SNX29: variants seen among roughly 807,000 people sequenced by gnomAD.
SNX29 encodes the protein sorting nexin 29.
Under a neutral mutation model 102.1 loss-of-function variants are expected in SNX29, and 78 were observed. That is an observed-to-expected ratio of 0.76 (90% CI 0.64 to 0.92). The LOEUF is 0.92. Ranked by LOEUF, SNX29 falls within the 40% of genes least tolerant of loss-of-function variation. SNX29 has a pLI of 0.00. For synonymous variants in SNX29, 580 were observed against 414.5 expected (o/e 1.40, Z -4.85); for missense variants, 1,280 against 1,061.7 (o/e 1.21, Z -2.86).
chr16:12,011,085 C>T (rs1044832600), intron 3 of SNX29, among the ~76,000 whole-genome samples: 3 of 152,032 alleles, frequency 2.0e-5, no homozygotes, highest in African/African-American at 7.2e-5. Flanking sequence ...GGACTCTCCC[C>T]CTCCCTTACC....
intron 14 of SNX29, among the ~76,000 whole-genome samples, chr16:12,272,080 T>G (rs927094292): frequency 2.0e-5 from 3 of 152,224 alleles, no homozygotes; most frequent in African/African-American, 4.8e-5. Context: ...GAAGGTTGAC[T>G]GGCTAGTTGC....
intron 18 of SNX29, among the ~76,000 whole-genome samples, chr16:12,427,387 G>C (rs1203885734): frequency 2.6e-5 from 4 of 152,088 alleles, no homozygotes; most frequent in Non-Finnish European, 5.9e-5. Context: ...TGCCACCTCT[G>C]ATAGGAACCA....
intron 19 of SNX29, among the ~76,000 whole-genome samples, chr16:12,502,453 T>C (rs1439020547): frequency 6.6e-6 from 1 of 152,098 alleles, no homozygotes; most frequent in Non-Finnish European, 1.5e-5. Flanking sequence ...GTTGCTAGGC[T>C]GAGGTAACAT....
intron 14 of SNX29, among the ~76,000 whole-genome samples, chr16:12,244,751 C>T (rs911890590): frequency 6.6e-6 from 1 of 152,192 alleles, no homozygotes; most frequent in African/African-American, 2.4e-5. Context: ...AGAAACACTT[C>T]AGCATCTTTA....
chr16:12,465,965 C>T (rs1366650341), intron 18 of SNX29, among the ~76,000 whole-genome samples: 1 of 151,964 alleles, frequency 6.6e-6, no homozygotes, highest in African/African-American at 2.4e-5. Context: ...ATGATAACCC[C>T]CCAATGAATG....
chr16:12,523,832 C>T (rs995548275), intron 19 of SNX29, among the ~76,000 whole-genome samples: 13 of 152,206 alleles, frequency 8.5e-5, no homozygotes, highest in African/African-American at 9.7e-5. Context: ...CCACGCTGCA[C>T]AGCCCAGCCT....
In SNX29 at chr16:12,126,655, G is replaced by A; in HGVS notation, c.1425G>A (p.Val475=). Residue 475 remains valine, a synonymous_variant, in exon 12 of 21, where the codon GTG becomes GTA. Coordinates refer to ENST00000566228, the MANE Select transcript of SNX29 (RefSeq NM_032167.5). Reference sequence around the variant, plus strand: ...TAGGTGAACTGCGCCAGGCCACTGTGGCCATGATGAACAGGAAGGATGAGC... The same window carrying A: ...TAGGTGAACTGCGCCAGGCCACTGTAGCCATGATGAACAGGAAGGATGAGC... ...MTISELRQAT[V]AMMNRKDELE... The A allele has an allele frequency of 6.2e-7, 1 of 1,614,012 alleles. No homozygotes were observed. The highest frequency in any genetic ancestry group is 8.5e-7 in the Non-Finnish European group (1 of 1,179,884).
At chr16:12,228,689 T>C (rs1282749974) in intron 14 of SNX29, among the ~76,000 whole-genome samples, 2 of 152,214 alleles carry the variant, frequency 1.3e-5, no homozygotes, top group Non-Finnish European at 2.9e-5. Context: ...ACCTATGCTG[T>C]TCTCTGCCTG....
intron 20 of SNX29, chr16:12,556,415 A>G (rs1034081361): frequency 6.6e-6 from 1 of 152,270 alleles, no homozygotes; most frequent in African/African-American, 2.4e-5. Flanking sequence ...ATGACACTTC[A>G]GATGGCTACA....
At position 12,572,846 on chromosome 16, in the gene SNX29, A is replaced by C. The variant is rs1020778032; in HGVS notation, c.*4217A>C. ...TCCCAGAAGGGGCAGCCTCATGCCC[A>C]GGTTTCAGCCCTAAAGGTAATGATT... On this transcript the variant is annotated 3_prime_UTR_variant, in exon 21 of 21. Coordinates refer to ENST00000566228, the MANE Select transcript of SNX29 (RefSeq NM_032167.5). 9.4e-7 allele frequency: 1 copy of C among 1,063,672 alleles called. No individual in the cohort carries two copies. Among genetic ancestry groups the C allele is most frequent in the African/African-American group, 1.6e-5 (1 of 60,986 alleles). The allele number at this position is 1,063,672 out of a possible 1,614,324, so 65.9% of individuals were successfully genotyped here.
intron 18 of SNX29, chr16:12,443,060 G>A (rs878926770): frequency 2.9e-5 from 13 of 455,608 alleles, no homozygotes; most frequent in Admixed American, 4.7e-5. Context: ...CAGGCCAGGC[G>A]TCCAGCCTGG....
intron 20 of SNX29, chr16:12,527,107 C>G: frequency 1.1e-5 from 5 of 461,018 alleles, no homozygotes; most frequent in South Asian, 3.8e-5. Flanking sequence ...TTAATAAAAG[C>G]TCTTTGGCTT....
chr16:12,383,624 A>G lies in SNX29; in HGVS notation c.1900-14822A>G, dbSNP rs1380357794. On this transcript the variant is annotated intron_variant, in intron 16 of 20. Coordinates refer to ENST00000566228, the MANE Select transcript of SNX29 (RefSeq NM_032167.5). ...GGTAATTTTTGTGTTTTTAGTAAAG[A>G]CGGGTTTCACCACGTTGGCCAGGCT... is the stretch of plus-strand genomic sequence containing the variant. 3.3e-5 allele frequency among the ~76,000 whole-genome samples: 5 copies of G among 151,634 alleles called. No individual in the cohort carries two copies. The East Asian group carries it at 7.7e-4, about 23-fold the overall frequency.
chr16:12,538,200 C>G (rs1473427124), intron 20 of SNX29, among the ~76,000 whole-genome samples: 4 of 152,084 alleles, frequency 2.6e-5, no homozygotes, highest in Non-Finnish European at 4.4e-5. Flanking sequence ...ACCGCAAGCT[C>G]TGTGTTCTGG....
intron 18 of SNX29, among the ~76,000 whole-genome samples, chr16:12,473,469 C>T (rs2087452598): frequency 6.6e-6 from 1 of 152,180 alleles, no homozygotes; most frequent in Non-Finnish European, 1.5e-5. Context: ...CAGCTACCCA[C>T]ATTGCTGGCC....
intron 1 of SNX29, among the ~76,000 whole-genome samples, chr16:11,979,081 C>T (rs1227466987): frequency 2.6e-5 from 4 of 151,468 alleles, no homozygotes; most frequent in Admixed American, 2.0e-4. Flanking sequence ...TTGAGACCAG[C>T]CTGGCCAACA....
At chr16:12,553,111 G>GGC (rs2078091961) in intron 20 of SNX29, among the ~76,000 whole-genome samples, 1 of 147,602 alleles carries the variant, frequency 6.8e-6, no homozygotes, top group African/African-American at 2.7e-5. Context: ...GGGGCTTTCA[G>GGC]GCTGGGAGGG....
chr16:12,562,971 T>TAGCAAAGGATC (rs150844642), intron 20 of SNX29, among the ~76,000 whole-genome samples: 6 of 151,742 alleles, frequency 4.0e-5, no homozygotes, highest in African/African-American at 1.5e-4. Flanking sequence ...ACACAAGGGG[T>TAGCAAAGGATC]GAGGGCTGAT....
At chr16:12,515,541 A>G (rs773708734) in intron 19 of SNX29, 27 of 491,764 alleles carry the variant, frequency 5.5e-5, no homozygotes, top group South Asian at 4.2e-4. Context: ...TGACTGCAGC[A>G]GCATCCTTGC....
Sources: gnomAD v4.1 joint callset for allele counts (sites outside exome capture counted in the v4.1 genomes callset) on GRCh38, gnomAD v4.1.1 for gene constraint, MANE v1.5 for transcripts, NCBI Gene and HGNC (gene_info 2026-07-23, HGNC 2026-07-21) for gene names.